CPE: variants seen among roughly 807,000 people sequenced by gnomAD.
CPE encodes carboxypeptidase E.
In CPE, 17 loss-of-function variants were observed where a neutral mutation model predicts 53.5. The observed-to-expected ratio is 0.32, with a 90% CI of 0.22 to 0.48. The LOEUF (loss-of-function observed/expected upper bound fraction) is 0.48. Ranked by LOEUF, CPE falls within the 20% of genes least tolerant of loss-of-function variation. The pLI is 0.99. For missense variants in CPE, 524 were observed against 614.7 expected (o/e 0.85, Z 1.56); for synonymous variants, 226 against 228.8 (o/e 0.99, Z 0.11).
intron 1 of CPE, among the ~76,000 whole-genome samples, chr4:165,459,644 C>T (rs1306376460): frequency 8.4e-6 from 1 of 118,350 alleles, no homozygotes; most frequent in Non-Finnish European, 1.7e-5. Flanking sequence ...TGGCTCACGT[C>T]TGTAATCCCA....
intron 3 of CPE, among the ~76,000 whole-genome samples, chr4:165,480,339 C>T (rs1319250466): frequency 6.6e-5 from 10 of 152,154 alleles, no homozygotes; most frequent in East Asian, 1.9e-4. Flanking sequence ...TAGCTAAAAA[C>T]GTGCTTAGCT....
At chr4:165,401,312 A>G (rs1035559540) in intron 1 of CPE, among the ~76,000 whole-genome samples, 2 of 152,232 alleles carry the variant, frequency 1.3e-5, no homozygotes, top group Non-Finnish European at 2.9e-5. Flanking sequence ...TGAAGGAAAA[A>G]TATAACCCTT....
intron 3 of CPE, among the ~76,000 whole-genome samples, chr4:165,478,433 T>G (rs1732340803): frequency 6.6e-6 from 1 of 152,234 alleles, no homozygotes; most frequent in Non-Finnish European, 1.5e-5. Flanking sequence ...TATAAGCAAT[T>G]GTGTATGATG....
In CPE at chr4:165,444,976, A is replaced by G. The variant is rs566827197; in HGVS notation, c.308-19414A>G. On this transcript the variant is annotated intron_variant, in intron 1 of 8. Coordinates refer to ENST00000402744, the MANE Select transcript of CPE (RefSeq NM_001873.4). Reference sequence around the variant, plus strand: ...ATTTTATTTTTTTAAATTTTTTTTGAGATGGAGTCTTGCTCTGTCACCTAA... The same window carrying G: ...ATTTTATTTTTTTAAATTTTTTTTGGGATGGAGTCTTGCTCTGTCACCTAA... Among the ~76,000 whole-genome samples, 165 of 151,724 alleles carry G rather than the reference A, an allele frequency of 1.1e-3. 1 individual carries two copies. Among genetic ancestry groups the G allele is most frequent in the African/African-American group, 3.8e-3 (155 of 41,292 alleles).
At chr4:165,416,303 A>G (rs1560875195) in intron 1 of CPE, among the ~76,000 whole-genome samples, 1 of 152,080 alleles carries the variant, frequency 6.6e-6, no homozygotes. Flanking sequence ...TCATTCATTC[A>G]CCTGCCCCTC....
At chr4:165,412,668 C>T (rs986160538) in intron 1 of CPE, among the ~76,000 whole-genome samples, 2 of 152,204 alleles carry the variant, frequency 1.3e-5, no homozygotes, top group African/African-American at 4.8e-5. Flanking sequence ...AGCATTGCCA[C>T]TGTGCACTTT....
At chr4:165,482,385 T>C (rs377737274) in intron 4 of CPE, 26 bp downstream of exon 4, 66 of 1,505,858 alleles carry the variant, frequency 4.4e-5, no homozygotes, top group Non-Finnish European at 6.0e-5. Flanking sequence ...GCTTCTCTTA[T>C]TGGTTCAAAG....
chr4:165,406,206 TC>T, intron 1 of CPE: 1 of 673,676 alleles, frequency 1.5e-6, no homozygotes, highest in Non-Finnish European at 2.8e-6. Flanking sequence ...AACTATCACA[TC>T]CCCTTTGACT....
At chr4:165,486,397 C>T (rs1032049360) in intron 5 of CPE, among the ~76,000 whole-genome samples, 22 of 152,082 alleles carry the variant, frequency 1.4e-4, no homozygotes, top group African/African-American at 4.8e-4. Flanking sequence ...ATCATTATAT[C>T]TTGTATGTAA....
intron 1 of CPE, among the ~76,000 whole-genome samples, chr4:165,449,197 A>G (rs1036746563): frequency 3.3e-5 from 5 of 152,228 alleles, no homozygotes; most frequent in Non-Finnish European, 7.3e-5. Flanking sequence ...AAGATAGTTT[A>G]CTTTTGGCAT....
intron 1 of CPE, among the ~76,000 whole-genome samples, chr4:165,438,917 T>A (rs745798946): frequency 1.3e-5 from 2 of 152,158 alleles, no homozygotes; most frequent in South Asian, 2.1e-4. Flanking sequence ...TCACCTCTAG[T>A]TCTAAGGCTG....
chr4:165,463,506 G>T (rs924122748), intron 1 of CPE, among the ~76,000 whole-genome samples: 7 of 152,130 alleles, frequency 4.6e-5, no homozygotes, highest in Non-Finnish European at 8.8e-5. Context: ...TAGACAGTAA[G>T]AATTGGTGCT....
At chr4:165,475,287 G>A (rs1732276808) in intron 3 of CPE, among the ~76,000 whole-genome samples, 1 of 152,144 alleles carries the variant, frequency 6.6e-6, no homozygotes, top group South Asian at 2.1e-4. Flanking sequence ...AGCCCTGGAG[G>A]GTAACAGGGA....
chr4:165,405,245 C>T, intron 1 of CPE: 10 of 847,350 alleles, frequency 1.2e-5, no homozygotes, highest in Non-Finnish European at 2.1e-5. Context: ...AATGCCTGCT[C>T]CCATCATCCC....
At position 165,449,761 on chromosome 4, in the gene CPE, T is replaced by G. The variant is rs561421763; in HGVS notation, c.308-14629T>G. Reference sequence around the variant, plus strand: ...AGAGAAATTCTTTTTTTTTTCTGGGTTTGGGGCACATTGCTTTATCTTTTT... The same window carrying G: ...AGAGAAATTCTTTTTTTTTTCTGGGGTTGGGGCACATTGCTTTATCTTTTT... On this transcript the variant is annotated intron_variant, in intron 1 of 8. Transcript: ENST00000402744. 1.3e-4 allele frequency among the ~76,000 whole-genome samples: 20 copies of G among 152,174 alleles called. No individual in the cohort carries two copies. The South Asian group carries it at 4.1e-3, about 32-fold the overall frequency.
chr4:165,461,176 A>AG (rs1357970262), intron 1 of CPE, among the ~76,000 whole-genome samples: 1 of 27,570 alleles, frequency 3.6e-5, no homozygotes, highest in Non-Finnish European at 6.8e-5. Context: ...CAAAAAAAAA[A>AG]AAAAAAAAAA....
intron 1 of CPE, among the ~76,000 whole-genome samples, chr4:165,414,205 T>C (rs914677592): frequency 6.6e-6 from 1 of 152,226 alleles, no homozygotes; most frequent in African/African-American, 2.4e-5. Flanking sequence ...GGAATTACTA[T>C]TGAAGAGAGT....
At chr4:165,462,281 A>C (rs993154127) in intron 1 of CPE, among the ~76,000 whole-genome samples, 1 of 152,198 alleles carries the variant, frequency 6.6e-6, no homozygotes, top group Non-Finnish European at 1.5e-5. Context: ...TAAACCAGAC[A>C]TCTGGGGGCA....
At chr4:165,449,636 T>C (rs1312171296) in intron 1 of CPE, among the ~76,000 whole-genome samples, 4 of 152,218 alleles carry the variant, frequency 2.6e-5, no homozygotes, top group Non-Finnish European at 2.9e-5. Context: ...TATCTATCTG[T>C]TGATAGAGCT....
Sources: gnomAD v4.1 joint callset for allele counts (sites outside exome capture counted in the v4.1 genomes callset) on GRCh38, gnomAD v4.1.1 for gene constraint, MANE v1.5 for transcripts, NCBI Gene and HGNC (gene_info 2026-07-23, HGNC 2026-07-21) for gene names.